Variants in NRP2 observed in about 807,000 individuals in gnomAD.
NRP2 encodes neuropilin 2, also known as neuropilin-2.
Under a neutral mutation model 110.4 loss-of-function variants are expected in NRP2, and 52 were observed. The observed-to-expected ratio is 0.47, with a 90% confidence interval of 0.38 to 0.59. The LOEUF is 0.59. NRP2 is among the 20% of genes least tolerant of loss of function. The pLI is 0.00. For missense variants in NRP2, 1,049 were observed against 1,203.0 expected, an observed-to-expected ratio of 0.87 and a Z score of 1.89; for synonymous variants, 508 against 468.9, an observed-to-expected ratio of 1.08 and a Z score of -1.08.
intron 15 of NRP2, among the ~76,000 whole-genome samples, chr2:205,782,001 G>T (rs574990984): frequency 2.6e-5 from 4 of 152,218 alleles, no homozygotes; most frequent in Admixed American, 2.6e-4. Context: ...CTGCTTGGAG[G>T]TGTTCTGTTT....
At chr2:205,703,188 T>C (rs1182462289) in intron 2 of NRP2, among the ~76,000 whole-genome samples, 1 of 152,188 alleles carries the variant, frequency 6.6e-6, no homozygotes, top group Non-Finnish European at 1.5e-5. Context: ...CAGATCTGTG[T>C]TCCCTATTTG....
In NRP2 at chr2:205,686,525, C is replaced by T. The variant is rs1157755617; in HGVS notation, c.73+3162C>T. Among the ~76,000 whole-genome samples, 1 of 152,222 alleles carries T rather than the reference C, an allele frequency of 6.6e-6. No individual in the cohort carries two copies. Among genetic ancestry groups the T allele is most frequent in the Non-Finnish European group, 1.5e-5 (1 of 68,046 alleles). On this transcript the variant is annotated intron_variant, in intron 1 of 16. Transcript: ENST00000357785. This position sits in a 1 kb window ranked among gnomAD's most constrained non-coding sequence, Gnocchi z 4.7. ...GAAGGGCTGCCCCCGCCCTTCGACTCGGGCTGGCTGTGCCGGGGGTCTTTC... is the reference window on the plus strand; with the variant it reads ...GAAGGGCTGCCCCCGCCCTTCGACTTGGGCTGGCTGTGCCGGGGGTCTTTC...
In NRP2 at chr2:205,718,271, A is replaced by G. The variant is rs76455276; in HGVS notation, c.433+1897A>G. 4.5e-4 allele frequency among the ~76,000 whole-genome samples: 68 copies of G among 152,368 alleles called. No homozygotes were observed. In the East Asian group the frequency reaches 0.011, roughly 25 times the overall value. On this transcript the variant is annotated intron_variant, in intron 3 of 16. Transcript: ENST00000357785. ...CTCCAGAAAGCCACAGGAAAAGTCAATGTTCACTCTATCCATCATGCAAAT... is the reference window on the plus strand; with the variant it reads ...CTCCAGAAAGCCACAGGAAAAGTCAGTGTTCACTCTATCCATCATGCAAAT...
chr2:205,693,503 T>C (rs1212626347), intron 1 of NRP2, among the ~76,000 whole-genome samples: 2 of 151,340 alleles, frequency 1.3e-5, no homozygotes, highest in African/African-American at 4.9e-5. Context: ...ACATGGGAGG[T>C]CTAGGTAGAG....
At chr2:205,700,368 C>T (rs1046034922) in intron 2 of NRP2, among the ~76,000 whole-genome samples, 2 of 152,204 alleles carry the variant, frequency 1.3e-5, no homozygotes, top group Non-Finnish European at 2.9e-5. Flanking sequence ...GCTGGTCTTC[C>T]GATCACAGAG....
At chr2:205,739,270 T>G (rs2057399129) in intron 7 of NRP2, among the ~76,000 whole-genome samples, 1 of 152,222 alleles carries the variant, frequency 6.6e-6, no homozygotes, top group African/African-American at 2.4e-5. Flanking sequence ...GGCAAGGATG[T>G]TGGATCCAGA....
intron 7 of NRP2, among the ~76,000 whole-genome samples, chr2:205,736,836 C>A (rs944286271): frequency 1.3e-5 from 2 of 152,112 alleles, no homozygotes; most frequent in African/African-American, 4.8e-5. Flanking sequence ...GACTGGAAGC[C>A]AAGAATCCAT....
Position 205,745,832 on chromosome 2 carries a change from G to A in NRP2, c.1728G>A (p.Glu576=), listed in dbSNP as rs2057528625. 6.2e-7 allele frequency: 1 copy of A among 1,614,226 alleles called. No homozygotes were observed. The highest frequency in any genetic ancestry group is 8.5e-7 in the Non-Finnish European group (1 of 1,180,028). The change falls in exon 10 of 17, where the codon GAG becomes GAA. Residue 576 remains glutamate (E), a synonymous_variant. Coordinates refer to ENST00000357785, the MANE Select transcript of NRP2 (RefSeq NM_003872.3). ...CACAGTATGTGCGGGTATACCCGGAGAGGTGGTCGCCGGCGGGGATTGGGA... is the reference window on the plus strand; with the variant it reads ...CACAGTATGTGCGGGTATACCCGGAAAGGTGGTCGCCGGCGGGGATTGGGA... ...IPAQYVRVYP[E]RWSPAGIGMR...
At chr2:205,787,740 GT>G (rs2058251048) in intron 15 of NRP2, among the ~76,000 whole-genome samples, 1 of 151,818 alleles carries the variant, frequency 6.6e-6, no homozygotes, top group African/African-American at 2.4e-5. Flanking sequence ...GTGTGTGTGT[GT>G]GTGTGTGTGT....
chr2:205,690,300 T>C (rs559933516), intron 1 of NRP2, among the ~76,000 whole-genome samples: 2 of 152,136 alleles, frequency 1.3e-5, no homozygotes, highest in South Asian at 2.1e-4. Context: ...GAAAATCCAA[T>C]ACCAACAAAT....
intron 7 of NRP2, 127 bp from the exon 8 acceptor site, chr2:205,740,392 A>T (rs2057418862): frequency 8.5e-6 from 8 of 939,340 alleles, no homozygotes; most frequent in Non-Finnish European, 1.7e-6. Context: ...CAACATACCC[A>T]CTGATTATTT....
chr2:205,751,113 G>A (rs909059154), intron 11 of NRP2, among the ~76,000 whole-genome samples: 2 of 152,172 alleles, frequency 1.3e-5, no homozygotes, highest in Non-Finnish European at 2.9e-5. Flanking sequence ...GTTTCAGATA[G>A]TTTGAGAGCC....
intron 7 of NRP2, among the ~76,000 whole-genome samples, chr2:205,730,091 T>G (rs1472990953): frequency 2.6e-5 from 4 of 152,208 alleles, no homozygotes; most frequent in African/African-American, 9.6e-5. Context: ...AGCCTGCCAA[T>G]TAGGCATCGC....
At chr2:205,771,666 C>T (rs1338241695) in intron 15 of NRP2, among the ~76,000 whole-genome samples, 4 of 152,160 alleles carry the variant, frequency 2.6e-5, no homozygotes, top group East Asian at 1.9e-4. Context: ...GACTGAGACA[C>T]GCCAATCCTC....
chr2:205,746,013 C>A, intron 10 of NRP2, 123 bp downstream of exon 10: 2 of 1,103,780 alleles, frequency 1.8e-6, no homozygotes, highest in East Asian at 2.5e-5. Context: ...TGCTGCAGAC[C>A]CCTGCCATGT....
chr2:205,724,481 G>C (rs781271133), intron 5 of NRP2, among the ~76,000 whole-genome samples: 2 of 152,078 alleles, frequency 1.3e-5, no homozygotes, highest in African/African-American at 2.4e-5. Context: ...AAGATAGTTT[G>C]TGGAGCTTCT....
chr2:205,750,128 C>T (rs2057617534), intron 11 of NRP2, among the ~76,000 whole-genome samples: 1 of 152,216 alleles, frequency 6.6e-6, no homozygotes, highest in African/African-American at 2.4e-5. Context: ...TGAGGAGTCT[C>T]ATTTGTTGAG....
At chr2:205,747,024 T>C (rs2057550633) in intron 10 of NRP2, among the ~76,000 whole-genome samples, 1 of 152,112 alleles carries the variant, frequency 6.6e-6, no homozygotes, top group East Asian at 1.9e-4. Flanking sequence ...TAAACGTGTG[T>C]CACCCGTCCT....
At chr2:205,716,101 C>T (rs575185465) in intron 2 of NRP2, 92 bp from the exon 3 acceptor site, 1 of 1,368,430 alleles carries the variant, frequency 7.3e-7, no homozygotes, top group Admixed American at 1.7e-5. Context: ...TTAACTTCTG[C>T]AAATGAATAG....
Sources: allele counts gnomAD v4.1 joint callset (sites outside exome capture counted in the v4.1 genomes callset), GRCh38; gene constraint gnomAD v4.1.1; non-coding constraint Gnocchi (gnomAD v3.1); transcripts MANE v1.5; gene names NCBI Gene and HGNC (gene_info 2026-07-23, HGNC 2026-07-21).